CEP83: variants seen among roughly 807,000 people sequenced by gnomAD.
CEP83 encodes the protein centrosomal protein of 83 kDa.
Under a neutral mutation model 101.9 loss-of-function variants are expected in CEP83, and 70 were observed. The ratio of observed to expected loss-of-function variants is 0.69; its 90% CI spans 0.57 to 0.84. The LOEUF (loss-of-function observed/expected upper bound fraction) is 0.84. Ranked by LOEUF, CEP83 falls within the 40% of genes least tolerant of loss-of-function variation. The probability of loss-of-function intolerance (pLI) is 0.00; values close to 1 mark genes in which losing one functional copy is unlikely to be tolerated. For synonymous variants in CEP83, 264 were observed against 267.9 expected (o/e 0.99, Z 0.14); for missense variants, 715 against 787.2 (o/e 0.91, Z 1.10).
chr12:94,457,311 C>T (rs2067756538), intron 1 of CEP83, among the ~76,000 whole-genome samples: 2 of 152,166 alleles, frequency 1.3e-5, no homozygotes, highest in African/African-American at 4.8e-5. Flanking sequence ...CCTAAAAGCA[C>T]ATAGGTTAAA....
downstream of CEP83, chr12:94,303,747 T>C (rs767058289): frequency 3.4e-3 from 4,787 of 1,410,586 alleles, 148 homozygotes; most frequent in African/African-American, 0.067. Flanking sequence ...TTTTTTTTTT[T>C]TTCCCCAGGA....
chr12:94,285,111 A>G, the CEP83 span, among the ~76,000 whole-genome samples: 3 of 80,676 alleles, frequency 3.7e-5, no homozygotes, highest in East Asian at 2.9e-4. Flanking sequence ...GGTCAAAGAT[A>G]TCAGTTGGGG....
chr12:94,341,065 CTATTA>C (rs2059664254), intron 11 of CEP83, among the ~76,000 whole-genome samples: 3 of 152,196 alleles, frequency 2.0e-5, no homozygotes, highest in Middle Eastern at 3.2e-3. Context: ...ACTACATATT[CTATTA>C]TATTTAAACT....
chr12:94,436,960 G>A (rs1430541575), intron 1 of CEP83, among the ~76,000 whole-genome samples: 2 of 152,058 alleles, frequency 1.3e-5, no homozygotes, highest in Non-Finnish European at 2.9e-5. Context: ...CTGTCCCTAA[G>A]GAAGAAGAGA....
chr12:94,308,784 T>G lies in CEP83; in HGVS notation c.*29A>C. On this transcript the variant is annotated 3_prime_UTR_variant, in exon 17 of 17. Coordinates refer to ENST00000397809, the MANE Select transcript of CEP83 (RefSeq NM_016122.3). ...GTTTTACTGAGTCACCAACTTCACC[T>G]CTTTTGATCTGCCTGTTCTCCAAGA... 6.9e-7 allele frequency: 1 copy of G among 1,451,416 alleles called. No individual in the cohort carries two copies. The highest frequency in any genetic ancestry group is 9.7e-7 in the Non-Finnish European group (1 of 1,033,932). The allele number at this position is 1,451,416 out of a possible 1,614,324, so 89.9% of individuals were successfully genotyped here.
intron 1 of CEP83, among the ~76,000 whole-genome samples, chr12:94,449,309 G>A (rs1594137894): frequency 6.6e-6 from 1 of 152,068 alleles, no homozygotes; most frequent in East Asian, 1.9e-4. Context: ...GAAATGGCCA[G>A]GCCCCCACAA....
At chr12:94,450,443 G>A (rs372269800) in intron 1 of CEP83, among the ~76,000 whole-genome samples, 20 of 152,158 alleles carry the variant, frequency 1.3e-4, no homozygotes, top group Middle Eastern at 3.4e-3. Flanking sequence ...TAGTAGAGAC[G>A]GGGTTTCACC....
At chr12:94,342,592 C>T (rs552045392) in intron 11 of CEP83, among the ~76,000 whole-genome samples, 1 of 152,222 alleles carries the variant, frequency 6.6e-6, no homozygotes, top group South Asian at 2.1e-4. Flanking sequence ...GTACTTAATT[C>T]GCCCATTAAA....
chr12:94,449,742 C>T (rs557688418), intron 1 of CEP83, among the ~76,000 whole-genome samples: 3 of 126,656 alleles, frequency 2.4e-5, no homozygotes, highest in African/African-American at 8.9e-5. Flanking sequence ...CACTGCACTT[C>T]AGCCTGGGTC....
At chr12:94,448,456 T>C (rs1012030485) in intron 1 of CEP83, among the ~76,000 whole-genome samples, 1 of 151,994 alleles carries the variant, frequency 6.6e-6, no homozygotes, top group Non-Finnish European at 1.5e-5. Context: ...TGACAGAAAA[T>C]ACCACCCAAT....
At chr12:94,446,838 A>G (rs1472093416) in intron 1 of CEP83, among the ~76,000 whole-genome samples, 4 of 152,226 alleles carry the variant, frequency 2.6e-5, no homozygotes, top group Non-Finnish European at 2.9e-5. Flanking sequence ...ATCGCCAAAA[A>G]CTTCCCTAAT....
chr12:94,449,538 T>C (rs992936542), intron 1 of CEP83, among the ~76,000 whole-genome samples: 2 of 151,168 alleles, frequency 1.3e-5, no homozygotes, highest in African/African-American at 4.9e-5. Flanking sequence ...GGTAAATCGC[T>C]TGAGCCAAGG....
chr12:94,446,714 A>G (rs2066832927), intron 1 of CEP83, among the ~76,000 whole-genome samples: 1 of 152,176 alleles, frequency 6.6e-6, no homozygotes, highest in Non-Finnish European at 1.5e-5. Flanking sequence ...CTCAAAGAAA[A>G]AGAAAAATAA....
chr12:94,328,197 C>T (rs2136445437), intron 14 of CEP83: 1 of 212,402 alleles, frequency 4.7e-6, no homozygotes, highest in Admixed American at 5.8e-5. Flanking sequence ...GAAAAAAACC[C>T]AACTCACTGT....
At chr12:94,454,989 G>T (rs145043888) in intron 1 of CEP83, among the ~76,000 whole-genome samples, 8,693 of 151,966 alleles carry the variant, frequency 0.057, 278 homozygotes, top group Non-Finnish European at 0.071. Context: ...CCAGAAGGAA[G>T]AAACTCCGGA....
intron 14 of CEP83, among the ~76,000 whole-genome samples, chr12:94,326,150 C>T (rs1319018796): frequency 1.3e-5 from 2 of 152,132 alleles, no homozygotes; most frequent in East Asian, 3.9e-4. Flanking sequence ...ATTTTGAGAG[C>T]TTCCGGGCTG....
chr12:94,408,991 C>G (rs2063719035), intron 4 of CEP83, among the ~76,000 whole-genome samples: 1 of 151,956 alleles, frequency 6.6e-6, no homozygotes, highest in African/African-American at 2.4e-5. Flanking sequence ...ATGAATATCT[C>G]TTATATCTTT....
At chr12:94,294,453 G>A in the CEP83 span, 4 of 959,828 alleles carry the variant, frequency 4.2e-6, no homozygotes, top group African/African-American at 1.6e-5. Flanking sequence ...ATTAAATTTT[G>A]AACACTCATA....
At chr12:94,301,404 A>G in the CEP83 span, among the ~76,000 whole-genome samples, 2 of 152,200 alleles carry the variant, frequency 1.3e-5, no homozygotes, top group Non-Finnish European at 1.5e-5. Flanking sequence ...AATCAATTCT[A>G]TTTGAATATA....
Sources: gnomAD v4.1 joint callset for allele counts (sites outside exome capture counted in the v4.1 genomes callset) on GRCh38, gnomAD v4.1.1 for gene constraint, MANE v1.5 for transcripts, NCBI Gene and HGNC (gene_info 2026-07-23, HGNC 2026-07-21) for gene names.